The following RPS6KC1 variants were observed in gnomAD, a reference collection of about 807,000 sequenced individuals.
The protein encoded by RPS6KC1 is ribosomal protein S6 kinase C1.
A neutral mutation model predicts 103.8 loss-of-function variants in RPS6KC1; 54 were observed. The observed-to-expected ratio is 0.52, with a 90% CI of 0.42 to 0.65. The LOEUF (loss-of-function observed/expected upper bound fraction) is 0.65, where lower values mean the gene tolerates loss of function less well. Ranked by LOEUF, RPS6KC1 falls within the 30% of genes least tolerant of loss-of-function variation. The probability of loss-of-function intolerance (pLI) is 0.00; values close to 1 mark genes in which losing one functional copy is unlikely to be tolerated. For missense variants in RPS6KC1, 1,151 were observed against 1,253.8 expected (o/e 0.92, Z 1.24); for synonymous variants, 439 against 438.7 (o/e 1.00, Z -0.01).
At chr1:213,129,958 A>C (rs1011173612) in intron 6 of RPS6KC1, 69 bp downstream of exon 6, 1 of 1,400,650 alleles carries the variant, frequency 7.1e-7, no homozygotes, top group African/African-American at 1.4e-5. Flanking sequence ...AAGTACATAC[A>C]TATATCTTCT....
At chr1:213,760,709 T>C in the RPS6KC1 span, among the ~76,000 whole-genome samples, 3 of 152,242 alleles carry the variant, frequency 2.0e-5, no homozygotes, top group Non-Finnish European at 4.4e-5. Context: ...TGTTGTTGTT[T>C]ACTCTTCAAT....
intron 1 of RPS6KC1, among the ~76,000 whole-genome samples, chr1:213,057,977 A>G (rs2077488062): frequency 6.7e-6 from 1 of 149,894 alleles, no homozygotes; most frequent in Admixed American, 6.7e-5. Context: ...CATGTTGTCC[A>G]GGCTGGTCTC....
intron 5 of RPS6KC1, among the ~76,000 whole-genome samples, chr1:213,127,359 T>A (rs2085099161): frequency 6.6e-6 from 1 of 152,210 alleles, no homozygotes; most frequent in East Asian, 1.9e-4. Context: ...TAATTTTTCC[T>A]AAGTAGTAGA....
the RPS6KC1 span, among the ~76,000 whole-genome samples, chr1:213,688,516 A>G: frequency 7.2e-4 from 109 of 152,302 alleles, no homozygotes; most frequent in African/African-American, 2.6e-3. Context: ...GCAAGTAGGA[A>G]GGAATAACCA....
At chr1:213,256,926 C>A (rs778669772) in intron 12 of RPS6KC1, among the ~76,000 whole-genome samples, 7 of 152,164 alleles carry the variant, frequency 4.6e-5, no homozygotes, top group Non-Finnish European at 4.4e-5. Context: ...AGAGGTGATA[C>A]GAAATGAGTA....
the RPS6KC1 span, among the ~76,000 whole-genome samples, chr1:213,491,292 A>G: frequency 6.6e-6 from 1 of 152,196 alleles, no homozygotes; most frequent in African/African-American, 2.4e-5. Flanking sequence ...TCACACCTGT[A>G]ATCCCAGCAT....
chr1:213,708,152 A>G, the RPS6KC1 span, among the ~76,000 whole-genome samples: 1 of 152,130 alleles, frequency 6.6e-6, no homozygotes, highest in Non-Finnish European at 1.5e-5. Flanking sequence ...TTTTCAGGAT[A>G]TTGATTCTTT....
the RPS6KC1 span, among the ~76,000 whole-genome samples, chr1:213,590,180 G>A: frequency 6.6e-6 from 1 of 152,116 alleles, no homozygotes; most frequent in Non-Finnish European, 1.5e-5. Flanking sequence ...ATATAGAAGA[G>A]CAATCTGTTT....
chr1:213,813,542 T>C, the RPS6KC1 span, among the ~76,000 whole-genome samples: 1 of 152,198 alleles, frequency 6.6e-6, no homozygotes, highest in Non-Finnish European at 1.5e-5. Flanking sequence ...TGCAAGCCAC[T>C]CGTTTCAAAT....
At chr1:213,704,184 G>A in the RPS6KC1 span, among the ~76,000 whole-genome samples, 1 of 151,308 alleles carries the variant, frequency 6.6e-6, no homozygotes, top group Non-Finnish European at 1.5e-5. Flanking sequence ...TCAGGAGATC[G>A]AGACCATCCT....
At chr1:213,655,445 C>A in the RPS6KC1 span, among the ~76,000 whole-genome samples, 2 of 152,178 alleles carry the variant, frequency 1.3e-5, no homozygotes, top group African/African-American at 4.8e-5. Flanking sequence ...ACATAAGATA[C>A]CTGTGAGTCA....
chr1:213,159,828 AT>A (rs1187739865), intron 6 of RPS6KC1, among the ~76,000 whole-genome samples: 1 of 152,234 alleles, frequency 6.6e-6, no homozygotes, highest in African/African-American at 2.4e-5. Flanking sequence ...GTTTAAAAAC[AT>A]TTGAGAGGGC....
At chr1:213,408,784 T>C in the RPS6KC1 span, among the ~76,000 whole-genome samples, 1,091 of 152,346 alleles carry the variant, frequency 7.2e-3, 15 homozygotes, top group African/African-American at 0.025. Context: ...ATTATTATTC[T>C]TGTTCAATAA....
At chr1:213,270,688 A>G (rs1166008263) in intron 14 of RPS6KC1, among the ~76,000 whole-genome samples, 1 of 152,210 alleles carries the variant, frequency 6.6e-6, no homozygotes, top group Non-Finnish European at 1.5e-5. Context: ...AAATATTTGC[A>G]AATCATGTAT....
At chr1:213,728,069 C>T in the RPS6KC1 span, among the ~76,000 whole-genome samples, 7 of 151,786 alleles carry the variant, frequency 4.6e-5, no homozygotes, top group African/African-American at 1.7e-4. Context: ...CCATTGTGGG[C>T]CACTGAGAAG....
intron 12 of RPS6KC1, among the ~76,000 whole-genome samples, chr1:213,244,930 G>T (rs561102727): frequency 1.3e-5 from 2 of 152,296 alleles, no homozygotes; most frequent in East Asian, 3.9e-4. Flanking sequence ...AAGTGTTCTA[G>T]TGTTGTGGCA....
the RPS6KC1 span, among the ~76,000 whole-genome samples, chr1:213,344,891 A>C: frequency 3.3e-5 from 5 of 152,104 alleles, no homozygotes; most frequent in Non-Finnish European, 2.9e-5. Context: ...AGAGAGTTTC[A>C]CCTATTGCAT....
chr1:213,534,694 A>G, the RPS6KC1 span, among the ~76,000 whole-genome samples: 1 of 152,264 alleles, frequency 6.6e-6, no homozygotes, highest in Non-Finnish European at 1.5e-5. Context: ...AAAAAAGAGC[A>G]TTAAGAGATG....
chr1:213,444,843 G>T, the RPS6KC1 span, among the ~76,000 whole-genome samples: 1 of 151,594 alleles, frequency 6.6e-6, no homozygotes, highest in Non-Finnish European at 1.5e-5. Context: ...TTTTTAAACT[G>T]CTTTATTAAG....
Sources: allele counts gnomAD v4.1 joint callset (sites outside exome capture counted in the v4.1 genomes callset), GRCh38; gene constraint gnomAD v4.1.1; transcripts MANE v1.5; gene names NCBI Gene and HGNC (gene_info 2026-07-23, HGNC 2026-07-21).